The following SOX5 variants were observed in gnomAD, a reference collection of about 807,000 sequenced individuals.
The protein encoded by SOX5 is transcription factor SOX-5.
SOX5 carries 9 observed loss-of-function variants against 92.0 expected under a neutral mutation model. The observed-to-expected ratio is 0.10, with a 90% CI of 0.06 to 0.17. SOX5 has a LOEUF of 0.17. Among genes scored for constraint, SOX5 ranks in the 10% least tolerant of loss-of-function variants. SOX5 has a pLI of 1.00. For synonymous variants in SOX5, 344 were observed against 336.3 expected (o/e 1.02, Z -0.25); for missense variants, 642 against 944.5 (o/e 0.68, Z 4.20).
intron 3 of SOX5, among the ~76,000 whole-genome samples, chr12:24,250,728 G>A (rs1939866605): frequency 6.6e-6 from 1 of 152,180 alleles, no homozygotes; most frequent in Admixed American, 6.5e-5. Context: ...TACAAAGTAA[G>A]TTCATTAAGA....
At chr12:24,221,843 G>A (rs1960523088) in intron 3 of SOX5, among the ~76,000 whole-genome samples, 2 of 152,312 alleles carry the variant, frequency 1.3e-5, no homozygotes, top group African/African-American at 2.4e-5. Context: ...AAGGAGGTGA[G>A]GGATGTGTAA....
At chr12:23,708,217 T>A (rs1281573069) in intron 6 of SOX5, among the ~76,000 whole-genome samples, 1 of 151,264 alleles carries the variant, frequency 6.6e-6, no homozygotes, top group Non-Finnish European at 1.5e-5. Flanking sequence ...GGGAACTATT[T>A]ATAGATAAGA....
intron 1 of SOX5, among the ~76,000 whole-genome samples, chr12:24,493,413 G>A (rs191091672): frequency 3.2e-4 from 49 of 152,192 alleles, no homozygotes; most frequent in African/African-American, 1.1e-3. Context: ...ATAAAGTATG[G>A]ACTTTAATAC....
chr12:24,359,361 A>G (rs192591868), intron 2 of SOX5, among the ~76,000 whole-genome samples: 26 of 152,340 alleles, frequency 1.7e-4, no homozygotes, highest in African/African-American at 6.0e-4. Flanking sequence ...TCTTGCCGTT[A>G]TCTGATGGAT....
intron 2 of SOX5, among the ~76,000 whole-genome samples, chr12:24,351,809 T>G (rs1311738122): frequency 6.6e-6 from 1 of 152,222 alleles, no homozygotes; most frequent in East Asian, 1.9e-4. Context: ...ATATTGGAAA[T>G]GAAGAATTAT....
intron 1 of SOX5, among the ~76,000 whole-genome samples, chr12:24,382,910 G>GAT (rs562981574): frequency 2.9e-4 from 44 of 152,100 alleles, no homozygotes; most frequent in Non-Finnish European, 5.3e-4. Context: ...GACACATCAG[G>GAT]ATACCAGTTT....
At chr12:23,728,714 T>C (rs1289259552) in intron 6 of SOX5, among the ~76,000 whole-genome samples, 1 of 152,146 alleles carries the variant, frequency 6.6e-6, no homozygotes, top group Non-Finnish European at 1.5e-5. Context: ...ATTTTTACCG[T>C]GTAGGAATAA....
At chr12:24,209,113 C>G (rs769594911) in intron 4 of SOX5, among the ~76,000 whole-genome samples, 3 of 152,156 alleles carry the variant, frequency 2.0e-5, no homozygotes, top group South Asian at 2.1e-4. Context: ...GAAATTTGAG[C>G]ATTTAAATAT....
chr12:24,224,931 ACT>A (rs1374661058), intron 3 of SOX5, among the ~76,000 whole-genome samples: 1 of 152,040 alleles, frequency 6.6e-6, no homozygotes, highest in African/African-American at 2.4e-5. Context: ...CAGGGTGCTC[ACT>A]CTCTCTTTAC....
intron 4 of SOX5, among the ~76,000 whole-genome samples, chr12:24,056,791 C>T (rs997375272): frequency 2.0e-5 from 3 of 150,094 alleles, no homozygotes; most frequent in Non-Finnish European, 4.4e-5. Flanking sequence ...CCGGCTAAAA[C>T]GGTGAAACCC....
intron 6 of SOX5, among the ~76,000 whole-genome samples, chr12:23,683,482 G>GT (rs1444334859): frequency 6.6e-6 from 1 of 151,740 alleles, no homozygotes; most frequent in Non-Finnish European, 1.5e-5. Flanking sequence ...TAAAACTACT[G>GT]TTTTTCATTT....
intron 1 of SOX5, among the ~76,000 whole-genome samples, chr12:23,922,015 T>C (rs1268971835): frequency 6.6e-6 from 1 of 152,124 alleles, no homozygotes; most frequent in Non-Finnish European, 1.5e-5. Context: ...AATACAAAAA[T>C]GATTATAGTC....
intron 4 of SOX5, among the ~76,000 whole-genome samples, chr12:24,126,554 C>T (rs1270656661): frequency 2.0e-5 from 3 of 152,198 alleles, no homozygotes; most frequent in Non-Finnish European, 2.9e-5. Context: ...TGCCACTTCT[C>T]GGCATCTCCA....
intron 3 of SOX5, among the ~76,000 whole-genome samples, chr12:24,235,057 A>G (rs1371249355): frequency 6.6e-6 from 1 of 152,156 alleles, no homozygotes; most frequent in Non-Finnish European, 1.5e-5. Flanking sequence ...TATTTGCATG[A>G]GATTTTTGTT....
chr12:23,936,319 A>G (rs900032775), intron 1 of SOX5, among the ~76,000 whole-genome samples: 4 of 150,974 alleles, frequency 2.6e-5, no homozygotes, highest in Non-Finnish European at 5.9e-5. Flanking sequence ...CAAAAAAGTA[A>G]ATCTAATTTC....
chr12:24,287,432 C>A (rs774456714), intron 2 of SOX5, among the ~76,000 whole-genome samples: 11 of 152,044 alleles, frequency 7.2e-5, no homozygotes, highest in Non-Finnish European at 1.5e-4. Flanking sequence ...GCTTTTTGAA[C>A]ACTAAGTGCT....
Position 23,734,766 on chromosome 12 carries a change from G to T in SOX5, c.742-14C>A. On this transcript the variant is annotated splice_polypyrimidine_tract_variant and intron_variant, in intron 5 of 14. Transcript: ENST00000451604. ...CTGTCTTGCAATCTGTGAAGAAATT[G>T]CACATGAGAAATTTACAAGTATATT... The T allele has an allele frequency of 6.2e-7, 1 of 1,608,224 alleles. No homozygotes were observed. The highest frequency in any genetic ancestry group is 8.5e-7 in the Non-Finnish European group (1 of 1,176,018).
intron 4 of SOX5, among the ~76,000 whole-genome samples, chr12:24,104,586 T>G (rs940090927): frequency 2.0e-5 from 3 of 152,200 alleles, no homozygotes; most frequent in African/African-American, 7.2e-5. Flanking sequence ...TTTATACAGT[T>G]TCACTACAAA....
At chr12:23,662,034 C>A (rs1302169420) in intron 7 of SOX5, among the ~76,000 whole-genome samples, 3 of 152,008 alleles carry the variant, frequency 2.0e-5, no homozygotes, top group African/African-American at 7.2e-5. Flanking sequence ...TAATTTTTTT[C>A]TTTCCCTGAA....
Sources: allele counts gnomAD v4.1 joint callset (sites outside exome capture counted in the v4.1 genomes callset), GRCh38; gene constraint gnomAD v4.1.1; transcripts MANE v1.5; gene names NCBI Gene and HGNC (gene_info 2026-07-23, HGNC 2026-07-21).